The following LIN7A variants were observed in gnomAD, a reference collection of about 807,000 sequenced individuals.
LIN7A encodes protein lin-7 homolog A.
Under a neutral mutation model 29.8 loss-of-function variants are expected in LIN7A, and 25 were observed. The observed-to-expected ratio is 0.84, with a 90% CI of 0.61 to 1.17. The LOEUF (loss-of-function observed/expected upper bound fraction) is 1.17, where lower values mean the gene tolerates loss of function less well. Among genes scored for constraint, LIN7A ranks in the 50% most tolerant of loss-of-function variants. The probability of loss-of-function intolerance (pLI) is 0.00; values close to 1 mark genes in which losing one functional copy is unlikely to be tolerated. For synonymous variants in LIN7A, 118 were observed against 107.5 expected (o/e 1.10, Z -0.60); for missense variants, 239 against 287.0 (o/e 0.83, Z 1.21).
At chr12:80,881,976 A>G (rs893993564) in intron 2 of LIN7A, among the ~76,000 whole-genome samples, 13 of 152,150 alleles carry the variant, frequency 8.5e-5, no homozygotes, top group Non-Finnish European at 1.9e-4. Flanking sequence ...ATGTGGCTGA[A>G]TATCACCAAG....
At chr12:80,926,114 T>C (rs566304841) in intron 1 of LIN7A, among the ~76,000 whole-genome samples, 4 of 152,214 alleles carry the variant, frequency 2.6e-5, no homozygotes, top group Non-Finnish European at 5.9e-5. Flanking sequence ...CTTTCAGTTG[T>C]ATTCCACTGT....
chr12:80,855,498 A>T (rs1356905055), intron 2 of LIN7A, among the ~76,000 whole-genome samples: 1 of 152,142 alleles, frequency 6.6e-6, no homozygotes, highest in Non-Finnish European at 1.5e-5. Context: ...TCTTCATTAC[A>T]TTAAAAATAA....
At chr12:80,933,017 T>A (rs943201201) in intron 1 of LIN7A, among the ~76,000 whole-genome samples, 1 of 152,180 alleles carries the variant, frequency 6.6e-6, no homozygotes, top group Non-Finnish European at 1.5e-5. Context: ...TTCTCTTTGT[T>A]ACAAGGGTAA....
intron 1 of LIN7A, among the ~76,000 whole-genome samples, chr12:80,892,082 C>G (rs778593500): frequency 2.4e-4 from 37 of 152,096 alleles, no homozygotes; most frequent in Non-Finnish European, 4.9e-4. Context: ...TTCCATAGTT[C>G]TTTGTTCACT....
At chr12:80,800,734 T>G (rs1870682394) in intron 5 of LIN7A, among the ~76,000 whole-genome samples, 1 of 152,008 alleles carries the variant, frequency 6.6e-6, no homozygotes, top group Non-Finnish European at 1.5e-5. Context: ...GAGCGAATAT[T>G]TCCTAACTCA....
chr12:80,857,424 G>T (rs2120372333), intron 2 of LIN7A, among the ~76,000 whole-genome samples: 1 of 152,208 alleles, frequency 6.6e-6, no homozygotes. Flanking sequence ...AGGACAGAAT[G>T]TGGAAGAGGA....
intron 2 of LIN7A, among the ~76,000 whole-genome samples, chr12:80,849,760 G>A (rs562377979): frequency 3.9e-5 from 6 of 152,134 alleles, no homozygotes; most frequent in African/African-American, 1.4e-4. Flanking sequence ...TGCACATGCC[G>A]TTTACTCTGC....
intron 2 of LIN7A, among the ~76,000 whole-genome samples, chr12:80,879,270 G>A (rs1034105873): frequency 3.3e-5 from 5 of 152,120 alleles, no homozygotes; most frequent in East Asian, 1.9e-4. Context: ...GGGGGTAGGA[G>A]GGGGTGGGAT....
Position 80,848,322 on chromosome 12 carries a change from C to T in LIN7A, c.202G>A (p.Val68Met), listed in dbSNP as rs749096976. Residue 68 changes from valine to methionine, a missense_variant and splice_region_variant, in exon 3 of 6, where the codon GTG becomes ATG. Physicochemically the swap from Val to Met is conservative, Grantham distance 21. Transcript: ENST00000552864. ...ATCGTTTCATGCATATATTGATACA[C>T]CTAAAATGTTCACATAAAAAGAAGA... is the stretch of plus-strand genomic sequence containing the variant. ...QSEFCTAIRE[V>M]YQYMHETITV... 6.2e-7 allele frequency: 1 copy of T among 1,601,782 alleles called. No individual in the cohort carries two copies. The highest frequency in any genetic ancestry group is 1.1e-5 in the South Asian group (1 of 90,802).
At chr12:80,812,588 G>A (rs1407232568) in intron 4 of LIN7A, among the ~76,000 whole-genome samples, 1 of 151,440 alleles carries the variant, frequency 6.6e-6, no homozygotes, top group African/African-American at 2.4e-5. Context: ...TTTCACTCTT[G>A]TTGGCCAGGC....
Position 80,811,698 on chromosome 12 carries a change from A to G in LIN7A, c.484-15T>C, listed in dbSNP as rs1320342516. On this transcript the variant is annotated splice_polypyrimidine_tract_variant and intron_variant, in intron 4 of 5. Transcript: ENST00000552864. ...CCTTCCACACTCTGAAAATACAATGACACTTCTTAAAGGGAGGAGGTTCAA... is the reference window on the plus strand; with the variant it reads ...CCTTCCACACTCTGAAAATACAATGGCACTTCTTAAAGGGAGGAGGTTCAA... 3.1e-6 allele frequency: 5 copies of G among 1,593,056 alleles called. No individual in the cohort carries two copies. Among genetic ancestry groups the G allele is most frequent in the Non-Finnish European group, 4.3e-6 (5 of 1,162,788 alleles).
In LIN7A at chr12:80,856,549, C is replaced by T. The variant is rs544834662; in HGVS notation, c.202-8227G>A. 5.9e-5 allele frequency among the ~76,000 whole-genome samples: 9 copies of T among 152,262 alleles called. 1 individual carries two copies. In the South Asian group the frequency reaches 6.2e-4, roughly 11 times the overall value. On this transcript the variant is annotated intron_variant, in intron 2 of 5. Transcript: ENST00000552864. ...CAAACAAGGACGAAAAACAAATGAA[C>T]TCTCCAGTTTTTAGTCACAAAGGAC...
chr12:80,845,739 C>T lies in LIN7A; in HGVS notation c.474G>A (p.Val158=). 6.2e-7 allele frequency: 1 copy of T among 1,612,688 alleles called. No homozygotes were observed. Among genetic ancestry groups the T allele is most frequent in the South Asian group, 1.1e-5 (1 of 90,846 alleles). The change falls in exon 4 of 6, where the codon GTG becomes GTA. Residue 158 remains valine (V), a synonymous_variant. Coordinates refer to ENST00000552864, the MANE Select transcript of LIN7A (RefSeq NM_004664.4). ...TATTTTATAAACATACCACTCCGTT[C>T]ACTGATAGCAGCTGGTCTCCTCTTT... ...GLKRGDQLLS[V]NGVSVEGEHH...
chr12:80,913,700 A>G (rs1876884005), intron 1 of LIN7A, among the ~76,000 whole-genome samples: 1 of 152,186 alleles, frequency 6.6e-6, no homozygotes, highest in Non-Finnish European at 1.5e-5. Context: ...TTTTCTTTTT[A>G]TGTCTCACTC....
chr12:80,898,731 A>G (rs752262194), intron 1 of LIN7A, among the ~76,000 whole-genome samples: 10 of 151,878 alleles, frequency 6.6e-5, no homozygotes, highest in Non-Finnish European at 2.9e-5. Context: ...TAGCTATTTT[A>G]TTCTTTTTGT....
intron 1 of LIN7A, among the ~76,000 whole-genome samples, chr12:80,923,706 C>T (rs898105797): frequency 6.6e-6 from 1 of 152,112 alleles, no homozygotes; most frequent in Non-Finnish European, 1.5e-5. Context: ...CTCAATTGTT[C>T]CTTGCAAGTT....
At chr12:80,820,302 A>G (rs1473579108) in intron 4 of LIN7A, among the ~76,000 whole-genome samples, 1 of 152,212 alleles carries the variant, frequency 6.6e-6, no homozygotes, top group African/African-American at 2.4e-5. Flanking sequence ...ATAATTATAC[A>G]TATTCTTATC....
rs573502362 is a variant in LIN7A, at chr12:80,798,824, C to G, written c.*1-1098G>C. On this transcript the variant is annotated intron_variant, in intron 5 of 5. Coordinates refer to ENST00000552864, the MANE Select transcript of LIN7A (RefSeq NM_004664.4). ...TTGAGTTGAAGTAAATCTTCACTTC[C>G]CAGACTCAAGCGATTCTTCTGCCTC... 1.1e-4 allele frequency among the ~76,000 whole-genome samples: 16 copies of G among 151,416 alleles called. 1 individual carries two copies. The highest frequency in any genetic ancestry group is 2.4e-4 in the Non-Finnish European group (16 of 67,946).
At chr12:80,839,282 C>G (rs1378600767) in intron 4 of LIN7A, among the ~76,000 whole-genome samples, 5 of 152,162 alleles carry the variant, frequency 3.3e-5, no homozygotes, top group African/African-American at 1.2e-4. Flanking sequence ...ATCTCTAGTT[C>G]TGCCATTTAG....
Sources: allele counts gnomAD v4.1 joint callset (sites outside exome capture counted in the v4.1 genomes callset), GRCh38; gene constraint gnomAD v4.1.1; transcripts MANE v1.5; gene names NCBI Gene and HGNC (gene_info 2026-07-23, HGNC 2026-07-21).